Variants in RIMS2 observed in about 807,000 individuals in gnomAD.
RIMS2 encodes regulating synaptic membrane exocytosis protein 2.
Under a neutral mutation model 174.4 loss-of-function variants are expected in RIMS2, and 59 were observed. The ratio of observed to expected loss-of-function variants is 0.34; its 90% CI spans 0.27 to 0.42. The LOEUF (loss-of-function observed/expected upper bound fraction) is 0.42. Among genes scored for constraint, RIMS2 ranks in the 10% least tolerant of loss-of-function variants. The pLI is 1.00. For missense variants in RIMS2, 1,620 were observed against 1,666.3 expected (o/e 0.97, Z 0.48); for synonymous variants, 606 against 572.5 (o/e 1.06, Z -0.84).
intron 1 of RIMS2, among the ~76,000 whole-genome samples, chr8:103,597,106 A>G (rs1444588543): frequency 6.6e-6 from 1 of 152,182 alleles, no homozygotes; most frequent in African/African-American, 2.4e-5. Flanking sequence ...CAAACAGATT[A>G]AGAACATATG....
Position 103,644,129 on chromosome 8 carries a change from C to G in RIMS2, c.177-52957C>G, listed in dbSNP as rs76337137. Among the ~76,000 whole-genome samples the G allele has an allele frequency of 6.2e-3, 936 of 151,380 alleles. 12 individuals are homozygous for G. Among genetic ancestry groups the G allele is most frequent in the African/African-American group, 0.021 (886 of 41,280 alleles). ...AATACTTATGCAAGTGTGTTGGCAC[C>G]CGTAAGACTGAGAAACTAAGATTTG... is the stretch of plus-strand genomic sequence containing the variant. On this transcript the variant is annotated intron_variant, in intron 1 of 23. Transcript: ENST00000504942.
chr8:103,613,545 C>T (rs764696748), intron 1 of RIMS2, among the ~76,000 whole-genome samples: 3 of 152,182 alleles, frequency 2.0e-5, no homozygotes, highest in Non-Finnish European at 2.9e-5. Flanking sequence ...ATTGCTCTAC[C>T]CCACTGTGCC....
chr8:103,961,094 T>C, exon 15 of RIMS2: 3 of 1,511,956 alleles, frequency 2.0e-6, no homozygotes, highest in Non-Finnish European at 2.8e-6. Flanking sequence ...TAGTGAAGTC[T>C]CTGACTATGA....
At chr8:103,561,241 T>A (rs973423524) in intron 1 of RIMS2, among the ~76,000 whole-genome samples, 2 of 152,200 alleles carry the variant, frequency 1.3e-5, no homozygotes, top group Non-Finnish European at 2.9e-5. Flanking sequence ...GAGCAATTTT[T>A]ATATACTTTT....
chr8:104,164,875 G>T (rs777005440), intron 19 of RIMS2, among the ~76,000 whole-genome samples: 3 of 152,030 alleles, frequency 2.0e-5, no homozygotes, highest in Non-Finnish European at 4.4e-5. Context: ...CCTGGGTGAT[G>T]AAATAATCTG....
At chr8:103,678,741 TA>T (rs1334346488) in intron 1 of RIMS2, among the ~76,000 whole-genome samples, 25 of 152,166 alleles carry the variant, frequency 1.6e-4, no homozygotes, top group African/African-American at 5.5e-4. Context: ...AAAATGTTTT[TA>T]AATGCATAAA....
chr8:103,856,908 G>A (rs2099030748), intron 3 of RIMS2, among the ~76,000 whole-genome samples: 1 of 152,046 alleles, frequency 6.6e-6, no homozygotes, highest in South Asian at 2.1e-4. Context: ...TCAGGTTCAA[G>A]CAATTCTCCT....
intron 1 of RIMS2, among the ~76,000 whole-genome samples, chr8:103,565,569 G>A (rs1483476532): frequency 6.6e-6 from 1 of 152,172 alleles, no homozygotes; most frequent in Non-Finnish European, 1.5e-5. Context: ...GCCTTCCAAA[G>A]TGCTGGCATT....
chr8:103,529,327 C>T lies in RIMS2; in HGVS notation c.176+28265C>T, dbSNP rs868590046. 8.5e-4 allele frequency among the ~76,000 whole-genome samples: 129 copies of T among 152,288 alleles called. 1 individual carries two copies. Among genetic ancestry groups the T allele is most frequent in the African/African-American group, 2.7e-3 (113 of 41,554 alleles). On this transcript the variant is annotated intron_variant, in intron 1 of 23. Coordinates refer to ENST00000504942, the Ensembl canonical transcript of RIMS2. ...CTACCTACTCAAGCCTCAGCAATGG[C>T]GGGTGCCCCTCCCCCAGGCTTGCTG...
intron 19 of RIMS2, among the ~76,000 whole-genome samples, chr8:104,059,546 T>C (rs1306403522): frequency 6.9e-6 from 1 of 145,120 alleles, no homozygotes; most frequent in East Asian, 2.0e-4. Context: ...CTTTTCCTAA[T>C]TGAATACCCT....
At chr8:103,607,560 CG>C (rs2095170018) in intron 1 of RIMS2, among the ~76,000 whole-genome samples, 1 of 147,812 alleles carries the variant, frequency 6.8e-6, no homozygotes, top group South Asian at 2.1e-4. Flanking sequence ...CTTGCTAGAT[CG>C]GGGAAATTCT....
At chr8:103,734,039 T>TC (rs1564444471) in intron 2 of RIMS2, among the ~76,000 whole-genome samples, 8 of 106,214 alleles carry the variant, frequency 7.5e-5, no homozygotes, top group African/African-American at 3.0e-4. Context: ...TTTTTTTTTT[T>TC]CCCAGACGGA....
chr8:103,857,906 A>G (rs1369760708), intron 3 of RIMS2, among the ~76,000 whole-genome samples: 2 of 152,164 alleles, frequency 1.3e-5, no homozygotes, highest in East Asian at 1.9e-4. Context: ...GACAAAGAGT[A>G]TGTTGTCAGC....
chr8:103,662,081 A>G (rs1312130878), intron 1 of RIMS2, among the ~76,000 whole-genome samples: 1 of 152,250 alleles, frequency 6.6e-6, no homozygotes, highest in Non-Finnish European at 1.5e-5. Context: ...AGTAACACTA[A>G]TGATAGCTGA....
At chr8:103,577,111 A>T (rs1375658208) in intron 1 of RIMS2, among the ~76,000 whole-genome samples, 1 of 152,266 alleles carries the variant, frequency 6.6e-6, no homozygotes, top group Non-Finnish European at 1.5e-5. Context: ...TTCACAGCAG[A>T]AGGAACTATC....
chr8:104,248,001 A>C lies in RIMS2; in HGVS notation c.3477-700A>C, dbSNP rs1359283176. On this transcript the variant is annotated intron_variant, in intron 20 of 23. Transcript: ENST00000504942. ...GAGGTTAAGGCTGAGTGGCAGAAGG[A>C]AAAGTGGGAAACCAGGAGACTGGAG... Among the ~76,000 whole-genome samples, 3 of 152,194 alleles carry C rather than the reference A, an allele frequency of 2.0e-5. No homozygotes were observed. The East Asian group carries it at 5.8e-4, about 29-fold the overall frequency.
chr8:103,835,316 T>A (rs1234976378), intron 3 of RIMS2, among the ~76,000 whole-genome samples: 2 of 151,136 alleles, frequency 1.3e-5, no homozygotes, highest in Non-Finnish European at 2.9e-5. Context: ...CTGGCCGGGC[T>A]TGTCTTGAAC....
intron 1 of RIMS2, among the ~76,000 whole-genome samples, chr8:103,624,942 G>A (rs1330994051): frequency 6.6e-6 from 1 of 152,032 alleles, no homozygotes; most frequent in Non-Finnish European, 1.5e-5. Flanking sequence ...TTTGGCAGAA[G>A]AATATGGAAG....
chr8:104,128,697 CA>C (rs1401583530), intron 19 of RIMS2, among the ~76,000 whole-genome samples: 1 of 151,576 alleles, frequency 6.6e-6, no homozygotes, highest in African/African-American at 2.4e-5. Context: ...AACTCCATCA[CA>C]AAAAAATAAA....
Sources: gnomAD v4.1 joint callset for allele counts (sites outside exome capture counted in the v4.1 genomes callset) on GRCh38, gnomAD v4.1.1 for gene constraint, MANE v1.5 for transcripts, NCBI Gene and HGNC (gene_info 2026-07-23, HGNC 2026-07-21) for gene names.